Variants in AFG1L observed in about 807,000 individuals in gnomAD.
AFG1L encodes AFG1-like ATPase.
Under a neutral mutation model 62.2 loss-of-function variants are expected in AFG1L, and 53 were observed. The ratio of observed to expected loss-of-function variants is 0.85; its 90% CI spans 0.68 to 1.07. AFG1L has a LOEUF of 1.07. Among genes scored for constraint, AFG1L ranks in the 50% least tolerant of loss-of-function variants. The pLI, the probability that AFG1L is intolerant of heterozygous loss-of-function variation, is 0.00. For missense variants in AFG1L, 555 were observed against 590.5 expected (o/e 0.94, Z 0.62); for synonymous variants, 228 against 210.3 (o/e 1.08, Z -0.73).
intron 6 of AFG1L, 68 bp downstream of exon 6, chr6:108,366,400 A>G: frequency 1.1e-6 from 1 of 907,178 alleles, no homozygotes; most frequent in East Asian, 2.5e-5. Flanking sequence ...AAAATCCATA[A>G]TTTTGAACTA....
chr6:108,414,380 C>G (rs1782261898), intron 7 of AFG1L, among the ~76,000 whole-genome samples: 1 of 152,112 alleles, frequency 6.6e-6, no homozygotes, highest in South Asian at 2.1e-4. Flanking sequence ...TGAAACTATT[C>G]CAATTAATAG....
chr6:108,423,919 CAT>C (rs1182109032), intron 7 of AFG1L, among the ~76,000 whole-genome samples: 3 of 152,006 alleles, frequency 2.0e-5, no homozygotes, highest in African/African-American at 7.2e-5. Flanking sequence ...ATTATAAATA[CAT>C]AGTTGATTAA....
At chr6:108,406,004 T>G (rs1781836618) in intron 7 of AFG1L, among the ~76,000 whole-genome samples, 1 of 152,262 alleles carries the variant, frequency 6.6e-6, no homozygotes, top group African/African-American at 2.4e-5. Context: ...TGTAAGGATA[T>G]GCCACATTTT....
chr6:108,338,024 A>G (rs1778535398), intron 2 of AFG1L, among the ~76,000 whole-genome samples: 1 of 152,152 alleles, frequency 6.6e-6, no homozygotes, highest in African/African-American at 2.4e-5. Context: ...CATCTCTACA[A>G]AAAATGTAAA....
At chr6:108,297,358 C>T (rs1365769938) in intron 1 of AFG1L, among the ~76,000 whole-genome samples, 3 of 152,086 alleles carry the variant, frequency 2.0e-5, no homozygotes, top group African/African-American at 4.8e-5. Context: ...TCCGGAGCCT[C>T]GGCCCCCCAA....
chr6:108,301,331 C>G lies in AFG1L; in HGVS notation c.139+6113C>G, dbSNP rs541820758. Among the ~76,000 whole-genome samples, 3 of 152,306 alleles carry G rather than the reference C, an allele frequency of 2.0e-5. No homozygotes were observed. The South Asian group carries it at 6.2e-4, about 32-fold the overall frequency. ...AAGTCTCAGACTTATTTTACCCAGC[C>G]CTTATTTAAAATGGAGTTGCTCGAG... On this transcript the variant is annotated intron_variant, in intron 1 of 12. Transcript: ENST00000368977.
intron 10 of AFG1L, among the ~76,000 whole-genome samples, chr6:108,500,577 G>A (rs1037137803): frequency 1.3e-5 from 2 of 152,092 alleles, no homozygotes; most frequent in Admixed American, 1.3e-4. Flanking sequence ...CCATGCCTTT[G>A]TTGTGAATAG....
At chr6:108,367,666 AG>A (rs1209912640) in intron 6 of AFG1L, among the ~76,000 whole-genome samples, 2 of 152,114 alleles carry the variant, frequency 1.3e-5, no homozygotes, top group Non-Finnish European at 2.9e-5. Context: ...TGTGGTGACA[AG>A]GGGGATACAT....
chr6:108,316,535 T>A (rs1415872564), intron 1 of AFG1L, among the ~76,000 whole-genome samples: 2 of 67,742 alleles, frequency 3.0e-5, no homozygotes, highest in Non-Finnish European at 5.0e-5. Context: ...ACACTCTGAT[T>A]TTTTTTTTTT....
chr6:108,503,078 C>T (rs1774268333), intron 10 of AFG1L, among the ~76,000 whole-genome samples: 2 of 152,214 alleles, frequency 1.3e-5, no homozygotes, highest in South Asian at 4.1e-4. Flanking sequence ...CCATATCTCT[C>T]TACCACATCT....
intron 7 of AFG1L, among the ~76,000 whole-genome samples, chr6:108,411,040 C>T (rs1173734262): frequency 6.6e-6 from 1 of 152,142 alleles, no homozygotes; most frequent in East Asian, 1.9e-4. Flanking sequence ...CAGGCGGTAC[C>T]TGGAAAATCG....
intron 7 of AFG1L, among the ~76,000 whole-genome samples, chr6:108,431,355 C>T (rs1362994860): frequency 3.9e-5 from 6 of 152,266 alleles, no homozygotes; most frequent in African/African-American, 1.4e-4. Flanking sequence ...CCGCCTGCCT[C>T]AGCCTCCCAA....
At chr6:108,418,562 T>A (rs75122876) in intron 7 of AFG1L, among the ~76,000 whole-genome samples, 1 of 152,134 alleles carries the variant, frequency 6.6e-6, no homozygotes, top group African/African-American at 2.4e-5. Context: ...TTAGTAGGTC[T>A]TGGAGAAAGG....
intron 2 of AFG1L, among the ~76,000 whole-genome samples, chr6:108,330,190 T>TA (rs538718255): frequency 3.1e-4 from 47 of 150,322 alleles, no homozygotes; most frequent in Non-Finnish European, 5.2e-4. Flanking sequence ...TTATTTTTTT[T>TA]TTTTTTTTGC....
chr6:108,307,578 T>G (rs993810723), intron 1 of AFG1L, among the ~76,000 whole-genome samples: 3 of 152,094 alleles, frequency 2.0e-5, no homozygotes, highest in Non-Finnish European at 4.4e-5. Flanking sequence ...GCCTGGCTAA[T>G]TTTTGTATTT....
chr6:108,494,475 G>A (rs1360055321), intron 10 of AFG1L, among the ~76,000 whole-genome samples: 2 of 151,680 alleles, frequency 1.3e-5, no homozygotes, highest in Admixed American at 1.3e-4. Flanking sequence ...CCATTAAAAG[G>A]GGATGAGAAT....
At position 108,351,454 on chromosome 6, in the gene AFG1L, A is replaced by C. The variant is rs774914910; in HGVS notation, c.416-4200A>C. On this transcript the variant is annotated intron_variant, in intron 3 of 12. Transcript: ENST00000368977. Reference sequence around the variant, plus strand: ...CTTGCTAAATTTAATTATTAACTCTAGTGGTGATTTGGTAGATTCTTTAGG... The same window carrying C: ...CTTGCTAAATTTAATTATTAACTCTCGTGGTGATTTGGTAGATTCTTTAGG... Among the ~76,000 whole-genome samples, 186 of 152,298 alleles carry C rather than the reference A, an allele frequency of 1.2e-3. 6 individuals carry two copies. Among genetic ancestry groups the C allele is most frequent in the Middle Eastern group, 3.4e-3 (1 of 294 alleles).
At chr6:108,475,697 G>A (rs533881852) in intron 8 of AFG1L, among the ~76,000 whole-genome samples, 100 of 152,210 alleles carry the variant, frequency 6.6e-4, no homozygotes, top group African/African-American at 1.9e-3. Flanking sequence ...GAGGTGGAGT[G>A]GTTATTACTT....
chr6:108,414,117 A>G (rs142560908), intron 7 of AFG1L, among the ~76,000 whole-genome samples: 4 of 152,322 alleles, frequency 2.6e-5, no homozygotes, highest in Non-Finnish European at 5.9e-5. Context: ...AGAAATACAA[A>G]CTACCATCAG....
Sources: gnomAD v4.1 joint callset for allele counts (sites outside exome capture counted in the v4.1 genomes callset) on GRCh38, gnomAD v4.1.1 for gene constraint, MANE v1.5 for transcripts, NCBI Gene and HGNC (gene_info 2026-07-23, HGNC 2026-07-21) for gene names.